The following HS3ST4 variants were observed in gnomAD, a reference collection of about 807,000 sequenced individuals.
The protein encoded by HS3ST4 is heparan sulfate glucosamine 3-O-sulfotransferase 4.
Under a neutral mutation model 29.2 loss-of-function variants are expected in HS3ST4, and 17 were observed. That is an observed-to-expected ratio of 0.58 (90% CI 0.40 to 0.87). HS3ST4 has a LOEUF of 0.87. HS3ST4 is among the 40% of genes least tolerant of loss of function. HS3ST4 has a pLI of 0.00. For missense variants in HS3ST4, 627 were observed against 634.5 expected (o/e 0.99, Z 0.13); for synonymous variants, 314 against 285.7 (o/e 1.10, Z -1.00).
chr16:25,702,934 G>A (rs900035092), intron 1 of HS3ST4, among the ~76,000 whole-genome samples: 5 of 152,044 alleles, frequency 3.3e-5, no homozygotes, highest in African/African-American at 1.2e-4. Context: ...CCTGAGGCAG[G>A]TGGATCACAG....
At chr16:26,077,785 G>A (rs560687779) in intron 1 of HS3ST4, among the ~76,000 whole-genome samples, 32 of 152,356 alleles carry the variant, frequency 2.1e-4, no homozygotes, top group South Asian at 1.7e-3. Context: ...AAAATGAACC[G>A]TGTGGTTGGG....
intron 1 of HS3ST4, among the ~76,000 whole-genome samples, chr16:25,957,101 A>G (rs895569545): frequency 1.3e-5 from 2 of 152,028 alleles, no homozygotes; most frequent in African/African-American, 4.8e-5. Context: ...TCAGAGCCCA[A>G]AGAGAGTGGT....
At chr16:25,781,104 G>C (rs1966852200) in intron 1 of HS3ST4, among the ~76,000 whole-genome samples, 1 of 152,180 alleles carries the variant, frequency 6.6e-6, no homozygotes. Flanking sequence ...TGTTATAAAA[G>C]GGAAGTGGTT....
At chr16:25,966,831 G>A (rs914888643) in intron 1 of HS3ST4, among the ~76,000 whole-genome samples, 3 of 152,188 alleles carry the variant, frequency 2.0e-5, no homozygotes, top group African/African-American at 7.2e-5. Context: ...AGAAGCAGCA[G>A]CTCAGTAAAA....
At chr16:26,083,616 TA>T (rs1172654322) in intron 1 of HS3ST4, among the ~76,000 whole-genome samples, 3 of 152,164 alleles carry the variant, frequency 2.0e-5, no homozygotes, top group Admixed American at 2.0e-4. Flanking sequence ...TGGCATTGAA[TA>T]AAACTTTATT....
In HS3ST4 at chr16:25,759,663, G is replaced by A. The variant is rs138414974; in HGVS notation, c.734+66512G>A. On this transcript the variant is annotated intron_variant, in intron 1 of 1. Transcript: ENST00000331351. ...CAGCCAGCGAGGCTCAGTGGCCCAT[G>A]CCTGTCATTCCAGCACTTTGGAGGC... Among the ~76,000 whole-genome samples the A allele has an allele frequency of 5.6e-3, 849 of 152,318 alleles. 7 individuals are homozygous for A. Among genetic ancestry groups the A allele is most frequent in the African/African-American group, 0.019 (806 of 41,568 alleles).
intron 1 of HS3ST4, among the ~76,000 whole-genome samples, chr16:25,756,601 A>G (rs1567233665): frequency 6.6e-6 from 1 of 152,164 alleles, no homozygotes; most frequent in Non-Finnish European, 1.5e-5. Context: ...CAGATTCAAT[A>G]TTGACCACAA....
At chr16:26,027,284 C>G (rs1212627123) in intron 1 of HS3ST4, among the ~76,000 whole-genome samples, 5 of 152,134 alleles carry the variant, frequency 3.3e-5, no homozygotes, top group South Asian at 2.1e-4. Context: ...AAACTACAGA[C>G]AGTTCCATTC....
intron 1 of HS3ST4, among the ~76,000 whole-genome samples, chr16:25,845,595 C>T (rs754757554): frequency 6.6e-6 from 1 of 151,236 alleles, no homozygotes; most frequent in Non-Finnish European, 1.5e-5. Flanking sequence ...TTAATTGGTG[C>T]CGAAAAATTG....
chr16:26,014,225 T>C (rs1969341710), intron 1 of HS3ST4, among the ~76,000 whole-genome samples: 2 of 152,188 alleles, frequency 1.3e-5, no homozygotes, highest in South Asian at 4.1e-4. Context: ...CTCATCTTGT[T>C]CACTGTTGTG....
intron 1 of HS3ST4, among the ~76,000 whole-genome samples, chr16:25,833,030 A>G (rs1336071056): frequency 2.0e-5 from 3 of 152,322 alleles, no homozygotes; most frequent in African/African-American, 7.2e-5. Context: ...GTATCAGTAA[A>G]TATATTTTTA....
chr16:25,924,902 C>T (rs1274394698), intron 1 of HS3ST4, among the ~76,000 whole-genome samples: 1 of 152,146 alleles, frequency 6.6e-6, no homozygotes, highest in Non-Finnish European at 1.5e-5. Context: ...GTGATTTGGG[C>T]TAGCCACTCT....
At chr16:26,102,310 C>G (rs1321636422) in intron 1 of HS3ST4, among the ~76,000 whole-genome samples, 1 of 151,946 alleles carries the variant, frequency 6.6e-6, no homozygotes, top group African/African-American at 2.4e-5. Flanking sequence ...ACATTTTCAC[C>G]CATGATCCCT....
intron 1 of HS3ST4, among the ~76,000 whole-genome samples, chr16:25,877,085 C>T (rs1967840480): frequency 6.6e-6 from 1 of 151,814 alleles, no homozygotes; most frequent in Admixed American, 6.6e-5. Flanking sequence ...ATTTTATTTC[C>T]TGCATCTTTC....
chr16:25,727,066 A>G (rs1966540817), intron 1 of HS3ST4, among the ~76,000 whole-genome samples: 1 of 152,152 alleles, frequency 6.6e-6, no homozygotes, highest in Non-Finnish European at 1.5e-5. Context: ...CTTACTTGGT[A>G]TCCCTACTTT....
At chr16:25,751,190 A>G (rs752540698) in intron 1 of HS3ST4, among the ~76,000 whole-genome samples, 4 of 152,142 alleles carry the variant, frequency 2.6e-5, no homozygotes, top group Non-Finnish European at 5.9e-5. Context: ...CCGGTTTGCA[A>G]TGGCTGATTG....
chr16:26,089,006 A>G (rs1008187934), intron 1 of HS3ST4, among the ~76,000 whole-genome samples: 1 of 152,192 alleles, frequency 6.6e-6, no homozygotes, highest in East Asian at 1.9e-4. Flanking sequence ...TTCCCAGAGG[A>G]CATATGTCTA....
chr16:26,013,278 G>A (rs934729369), intron 1 of HS3ST4, among the ~76,000 whole-genome samples: 8 of 152,146 alleles, frequency 5.3e-5, no homozygotes, highest in African/African-American at 1.9e-4. Context: ...AAAAACAACT[G>A]CCCAGGTACC....
intron 1 of HS3ST4, among the ~76,000 whole-genome samples, chr16:25,931,486 C>A (rs547553565): frequency 2.0e-4 from 30 of 152,290 alleles, no homozygotes; most frequent in African/African-American, 6.0e-4. Flanking sequence ...ATGTATTGAC[C>A]CAGCTGTGAG....
Sources: gnomAD v4.1 joint callset for allele counts (sites outside exome capture counted in the v4.1 genomes callset) on GRCh38, gnomAD v4.1.1 for gene constraint, MANE v1.5 for transcripts, NCBI Gene and HGNC (gene_info 2026-07-23, HGNC 2026-07-21) for gene names.